The following SMOC1 variants were observed in gnomAD, a reference collection of about 807,000 sequenced individuals.
SMOC1 encodes the protein SPARC related modular calcium binding 1.
A neutral mutation model predicts 56.3 loss-of-function variants in SMOC1; 22 were observed. That is an observed-to-expected ratio of 0.39 (90% CI 0.28 to 0.56). SMOC1 has a LOEUF of 0.56. Ranked by LOEUF, SMOC1 falls within the 20% of genes least tolerant of loss-of-function variation. SMOC1 has a pLI of 0.61. For synonymous variants in SMOC1, 193 were observed against 215.0 expected, an observed-to-expected ratio of 0.90 and a Z score of 0.89; for missense variants, 509 against 565.4, an observed-to-expected ratio of 0.90 and a Z score of 1.01.
chr14:69,892,131 T>G (rs918208900), intron 1 of SMOC1, among the ~76,000 whole-genome samples: 2 of 152,210 alleles, frequency 1.3e-5, no homozygotes, highest in African/African-American at 4.8e-5. Flanking sequence ...ATGTGGCTAA[T>G]CTATTGTTAT....
intron 1 of SMOC1, chr14:69,885,214 TAC>T (rs1166377981): frequency 1.6e-6 from 1 of 626,674 alleles, no homozygotes; most frequent in African/African-American, 1.8e-5. Context: ...GGAACTTTTC[TAC>T]AGAGCATTCT....
intron 7 of SMOC1, among the ~76,000 whole-genome samples, chr14:70,002,962 T>A (rs988457706): frequency 6.6e-6 from 1 of 152,208 alleles, no homozygotes; most frequent in Admixed American, 6.5e-5. Flanking sequence ...TTCTCTCTTT[T>A]ACTCCTGCAG....
chr14:69,996,642 C>T (rs1417139124), intron 7 of SMOC1, among the ~76,000 whole-genome samples: 4 of 152,180 alleles, frequency 2.6e-5, no homozygotes, highest in African/African-American at 9.7e-5. Context: ...GTGGCCTGGC[C>T]ACGTTTATTT....
intron 3 of SMOC1, among the ~76,000 whole-genome samples, chr14:69,975,044 T>A (rs1883899320): frequency 6.6e-6 from 1 of 152,116 alleles, no homozygotes; most frequent in South Asian, 2.1e-4. Flanking sequence ...CCAAATTAGT[T>A]CAAGGATTAG....
chr14:69,984,535 A>G (rs929868319), intron 5 of SMOC1, among the ~76,000 whole-genome samples: 3 of 152,186 alleles, frequency 2.0e-5, no homozygotes, highest in African/African-American at 7.2e-5. Flanking sequence ...CTTAGCAGCT[A>G]AAAAACAGTT....
chr14:69,974,069 G>A (rs1350371038), intron 3 of SMOC1, among the ~76,000 whole-genome samples: 1 of 152,170 alleles, frequency 6.6e-6, no homozygotes, highest in Non-Finnish European at 1.5e-5. Context: ...TGAGAAAATA[G>A]GATAATGGAT....
At chr14:69,939,461 A>C (rs1882468174) in intron 1 of SMOC1, among the ~76,000 whole-genome samples, 1 of 152,166 alleles carries the variant, frequency 6.6e-6, no homozygotes, top group Non-Finnish European at 1.5e-5. Context: ...AGTCAAGATG[A>C]GATTTGGGTG....
chr14:70,027,964 C>G (rs980247634), intron 11 of SMOC1, among the ~76,000 whole-genome samples: 1 of 152,296 alleles, frequency 6.6e-6, no homozygotes, highest in Admixed American at 6.5e-5. Context: ...AGAGCCTATG[C>G]GTCGGTCATC....
In SMOC1 at chr14:70,030,477, A is replaced by G. The variant is rs1424675964; in HGVS notation, c.*219A>G. ...CCACAGTGGGAAAAGGAAAGGGAAG[A>G]AAGACTTTATTCTCTCTCTTATTGT... is the stretch of plus-strand genomic sequence containing the variant. On this transcript the variant is annotated 3_prime_UTR_variant, in exon 12 of 12. Coordinates refer to ENST00000361956, the MANE Select transcript of SMOC1 (RefSeq NM_001034852.3). 1.8e-6 allele frequency: 1 copy of G among 549,296 alleles called. No individual in the cohort carries two copies. Among genetic ancestry groups the G allele is most frequent in the African/African-American group, 1.9e-5 (1 of 51,934 alleles). The allele number at this position is 549,296 out of a possible 1,614,324, so 34.0% of individuals were successfully genotyped here.
chr14:69,907,135 G>A (rs1884429745), intron 1 of SMOC1, among the ~76,000 whole-genome samples: 1 of 152,138 alleles, frequency 6.6e-6, no homozygotes, highest in Admixed American at 6.5e-5. Flanking sequence ...CAATTTCTGA[G>A]GCTAGGGGCC....
At chr14:69,991,070 AATGGT>A (rs1884551383) in intron 5 of SMOC1, among the ~76,000 whole-genome samples, 1 of 152,138 alleles carries the variant, frequency 6.6e-6, no homozygotes, top group South Asian at 2.1e-4. Flanking sequence ...GAGAGCTCCA[AATGGT>A]AGAGGGTTGT....
chr14:69,927,942 A>G (rs993904800), intron 1 of SMOC1, among the ~76,000 whole-genome samples: 4 of 152,138 alleles, frequency 2.6e-5, no homozygotes, highest in African/African-American at 9.7e-5. Flanking sequence ...CCCCTTGAGG[A>G]AGAATAAACA....
intron 7 of SMOC1, among the ~76,000 whole-genome samples, chr14:70,000,202 A>G (rs1032207673): frequency 6.6e-6 from 1 of 152,150 alleles, no homozygotes; most frequent in Non-Finnish European, 1.5e-5. Context: ...CACACAGGCA[A>G]CACTCATGTT....
chr14:70,023,102 G>T (rs987804828), intron 10 of SMOC1, 101 bp from the exon 11 acceptor site: 1 of 1,594,880 alleles, frequency 6.3e-7, no homozygotes, highest in African/African-American at 1.3e-5. Context: ...TGGAGGAGCC[G>T]TTTCTACCTG....
intron 5 of SMOC1, among the ~76,000 whole-genome samples, chr14:69,990,564 C>A (rs528066299): frequency 1.3e-5 from 2 of 152,280 alleles, no homozygotes; most frequent in East Asian, 3.9e-4. Flanking sequence ...CCAAAAGACT[C>A]AATTCAGTGG....
At chr14:70,004,637 T>G (rs1369887014) in intron 7 of SMOC1, among the ~76,000 whole-genome samples, 4 of 152,222 alleles carry the variant, frequency 2.6e-5, no homozygotes, top group African/African-American at 9.6e-5. Context: ...GCCCAACATA[T>G]TTTAGATTTG....
chr14:69,909,887 C>T lies in SMOC1; in HGVS notation c.99+30110C>T, dbSNP rs1173913198. On this transcript the variant is annotated intron_variant, in intron 1 of 11. Coordinates refer to ENST00000361956, the MANE Select transcript of SMOC1 (RefSeq NM_001034852.3). ...ACAGCAGAGGTTTTTGGGTCTAGCA[C>T]TCCCCAGGACAGGACTCCATTGATT... Among the ~76,000 whole-genome samples, 5 of 152,264 alleles carry T rather than the reference C, an allele frequency of 3.3e-5. No homozygotes were observed. In the East Asian group the frequency reaches 5.8e-4, roughly 18 times the overall value.
At chr14:69,956,780 G>A (rs1883201911) in intron 3 of SMOC1, among the ~76,000 whole-genome samples, 2 of 152,072 alleles carry the variant, frequency 1.3e-5, no homozygotes, top group African/African-American at 2.4e-5. Flanking sequence ...CACAGGAGTG[G>A]TTCAGCTTTC....
intron 10 of SMOC1, among the ~76,000 whole-genome samples, chr14:70,018,867 C>A (rs1474791740): frequency 6.6e-6 from 1 of 152,238 alleles, no homozygotes; most frequent in African/African-American, 2.4e-5. Flanking sequence ...GCTGACTTGG[C>A]ATTTCCCAGC....
Sources: allele counts gnomAD v4.1 joint callset (sites outside exome capture counted in the v4.1 genomes callset), GRCh38; gene constraint gnomAD v4.1.1; transcripts MANE v1.5; gene names NCBI Gene and HGNC (gene_info 2026-07-23, HGNC 2026-07-21).